Variants in MPP7 observed in about 807,000 individuals in gnomAD.
MPP7 encodes MAGUK p55 subfamily member 7.
In MPP7, 60 loss-of-function variants were observed where a neutral mutation model predicts 76.5. The ratio of observed to expected loss-of-function variants is 0.78; its 90% CI spans 0.64 to 0.97. The LOEUF (loss-of-function observed/expected upper bound fraction) is 0.97, where lower values mean the gene tolerates loss of function less well. Among genes scored for constraint, MPP7 ranks in the 50% least tolerant of loss-of-function variants. The pLI is 0.00. For missense variants in MPP7, 641 were observed against 694.0 expected, an observed-to-expected ratio of 0.92 and a Z score of 0.86; for synonymous variants, 237 against 244.5, an observed-to-expected ratio of 0.97 and a Z score of 0.29.
chr10:28,124,609 G>A (rs1378126762), intron 7 of MPP7, among the ~76,000 whole-genome samples: 1 of 149,430 alleles, frequency 6.7e-6, no homozygotes, highest in Non-Finnish European at 1.5e-5. Context: ...GCAAGTAGCT[G>A]ATACTACAGG....
intron 1 of MPP7, among the ~76,000 whole-genome samples, chr10:28,246,801 A>C (rs1169871983): frequency 6.6e-6 from 1 of 152,108 alleles, no homozygotes; most frequent in African/African-American, 2.4e-5. Flanking sequence ...CCCTTGACAC[A>C]TGGAGATTAC....
chr10:28,166,284 A>C (rs964126478), intron 3 of MPP7, among the ~76,000 whole-genome samples: 1 of 151,900 alleles, frequency 6.6e-6, no homozygotes, highest in Non-Finnish European at 1.5e-5. Flanking sequence ...CCTACCAACA[A>C]ACCATCCACT....
chr10:28,321,816 C>T (rs1267210558), intron 2 of MPP7, among the ~76,000 whole-genome samples: 5 of 152,116 alleles, frequency 3.3e-5, no homozygotes, highest in Non-Finnish European at 7.3e-5. Flanking sequence ...GAACTCCTGG[C>T]CTCAGGTGAT....
intron 11 of MPP7, 83 bp from the exon 12 acceptor site, chr10:28,089,924 T>C (rs1253305352): frequency 4.0e-6 from 3 of 749,118 alleles, no homozygotes; most frequent in South Asian, 2.1e-5. Flanking sequence ...CAGAGTTGGG[T>C]TGGATTTTAT....
chr10:28,064,414 T>C (rs11006824), intron 13 of MPP7, among the ~76,000 whole-genome samples: 3,339 of 152,290 alleles, frequency 0.022, 139 homozygotes, highest in African/African-American at 0.075. Context: ...AATAATCTAT[T>C]GTGACAGAAC....
At chr10:28,194,124 T>C (rs1357260750) in intron 3 of MPP7, among the ~76,000 whole-genome samples, 2 of 152,188 alleles carry the variant, frequency 1.3e-5, no homozygotes, top group Non-Finnish European at 1.5e-5. Flanking sequence ...AAGCGATTCT[T>C]CTGCCTCAGC....
intron 2 of MPP7, among the ~76,000 whole-genome samples, chr10:28,206,780 C>A (rs1405420308): frequency 6.6e-6 from 1 of 152,036 alleles, no homozygotes; most frequent in Non-Finnish European, 1.5e-5. Context: ...TTTCATTTGT[C>A]CTGTAACTGT....
chr10:28,172,348 T>C (rs1836711818), intron 3 of MPP7, among the ~76,000 whole-genome samples: 2 of 152,224 alleles, frequency 1.3e-5, no homozygotes, highest in South Asian at 4.1e-4. Flanking sequence ...TCAGACACTA[T>C]TCAATCCTCT....
At chr10:28,200,529 G>C (rs1837736230) in intron 3 of MPP7, among the ~76,000 whole-genome samples, 1 of 152,096 alleles carries the variant, frequency 6.6e-6, no homozygotes, top group Admixed American at 6.6e-5. Flanking sequence ...AACAGCCTCA[G>C]CTTAAAACTC....
intron 2 of MPP7, among the ~76,000 whole-genome samples, chr10:28,221,012 C>A (rs1039686366): frequency 6.6e-6 from 1 of 152,054 alleles, no homozygotes; most frequent in African/African-American, 2.4e-5. Context: ...GCTTTCTTTG[C>A]AAACATTCTC....
At chr10:28,254,877 C>T (rs559455358) in intron 1 of MPP7, 1 of 152,222 alleles carries the variant, frequency 6.6e-6, no homozygotes, top group Non-Finnish European at 1.5e-5. Context: ...GTAAGGAAAT[C>T]TGCACAAAAT....
chr10:28,160,769 A>G (rs1485469429), intron 3 of MPP7, among the ~76,000 whole-genome samples: 1 of 152,158 alleles, frequency 6.6e-6, no homozygotes, highest in African/African-American at 2.4e-5. Flanking sequence ...GAATCTGGCA[A>G]TTTACCTGAA....
At chr10:28,174,896 C>T (rs1171046667) in intron 3 of MPP7, among the ~76,000 whole-genome samples, 1 of 151,990 alleles carries the variant, frequency 6.6e-6, no homozygotes, top group Non-Finnish European at 1.5e-5. Context: ...TGTTTGGTAA[C>T]AAAAATGAAT....
At chr10:28,299,922 A>G (rs1841115142) in intron 1 of MPP7, among the ~76,000 whole-genome samples, 1 of 151,812 alleles carries the variant, frequency 6.6e-6, no homozygotes. Context: ...GCCCACCACC[A>G]CGCCCGGCTA....
chr10:28,225,587 A>G (rs949815085), intron 2 of MPP7, among the ~76,000 whole-genome samples: 1 of 152,242 alleles, frequency 6.6e-6, no homozygotes, highest in East Asian at 1.9e-4. Context: ...GTCATTAGGG[A>G]AATGCAAATC....
At position 28,191,970 on chromosome 10, in the gene MPP7, A is replaced by G. The variant is rs192073212; in HGVS notation, c.156+10183T>C. On this transcript the variant is annotated intron_variant, in intron 3 of 16. Coordinates refer to ENST00000683449, the MANE Select transcript of MPP7 (RefSeq NM_001318170.2). ...GAAACCTTATCTCTACTAAAAATAC[A>G]AAAATTAGCCAGGCGTAGTGACGCA... 4.2e-3 allele frequency among the ~76,000 whole-genome samples: 636 copies of G among 152,262 alleles called. 4 individuals are homozygous for G. The highest frequency in any genetic ancestry group is 0.014 in the African/African-American group (596 of 41,546).
intron 1 of MPP7, among the ~76,000 whole-genome samples, chr10:28,239,230 C>T (rs1273777727): frequency 1.3e-5 from 2 of 151,662 alleles, no homozygotes; most frequent in African/African-American, 2.4e-5. Context: ...CTGCAACCTC[C>T]GCCTCCTATG....
chr10:28,176,179 A>AG (rs1836852591), intron 3 of MPP7, among the ~76,000 whole-genome samples: 1 of 152,092 alleles, frequency 6.6e-6, no homozygotes, highest in Non-Finnish European at 1.5e-5. Flanking sequence ...ACTTGAACCC[A>AG]GGGGGCAGAG....
At chr10:28,263,051 G>A (rs1044910478) in intron 1 of MPP7, among the ~76,000 whole-genome samples, 7 of 151,894 alleles carry the variant, frequency 4.6e-5, no homozygotes, top group South Asian at 2.1e-4. Context: ...GCGAGACTCC[G>A]TTTCAAAAAA....
Sources: allele counts gnomAD v4.1 joint callset (sites outside exome capture counted in the v4.1 genomes callset), GRCh38; gene constraint gnomAD v4.1.1; transcripts MANE v1.5; gene names NCBI Gene and HGNC (gene_info 2026-07-23, HGNC 2026-07-21).